The following SKOR1 variants were observed in gnomAD, a reference collection of about 807,000 sequenced individuals.
SKOR1 encodes the protein SKI family transcriptional corepressor 1, also known as LBX1 corepressor 1.
In SKOR1, 38 loss-of-function variants were observed where a neutral mutation model predicts 72.4. That is an observed-to-expected ratio of 0.52 (90% confidence interval 0.40 to 0.69). The LOEUF is 0.69. Ranked by LOEUF, SKOR1 falls within the 30% of genes least tolerant of loss-of-function variation. SKOR1 has a pLI of 0.00. For missense variants in SKOR1, 1,320 were observed against 1,343.2 expected (o/e 0.98, Z 0.27); for synonymous variants, 642 against 599.4 (o/e 1.07, Z -1.04).
Position 67,829,215 on chromosome 15 carries a change from G to A in SKOR1, c.2353G>A (p.Ala785Thr). 6.3e-7 allele frequency: 1 copy of A among 1,575,912 alleles called. No homozygotes were observed. The highest frequency in any genetic ancestry group is 8.6e-7 in the Non-Finnish European group (1 of 1,168,384). Residue 785 changes from alanine (A) to threonine (T), a missense_variant, in exon 3 of 9, where the codon GCG (alanine) becomes ACG (threonine). Transcript: ENST00000380035. ...CGAGAGGGATGAGCACGTGAAGAGC[G>A]CGGCGGTGGCGCTGGGGCCCGCGGC... is the stretch of plus-strand genomic sequence containing the variant. ...APERDEHVKS[A>T]AVALGPAASY...
Position 67,826,647 on chromosome 15 carries a change from C to G in SKOR1, c.819C>G (p.Gly273=), listed in dbSNP as rs781687857. Residue 273 remains glycine, a synonymous_variant, in exon 2 of 9, where the codon GGC becomes GGG. Coordinates refer to ENST00000380035, the MANE Select transcript of SKOR1 (RefSeq NM_001365915.1). ...AGGACGTCAAGGCCATGTTTAATGG[C>G]GGCACGCGCAAGCGGACCTTCTCCC... The part of the protein sequence containing the change: ...AWEDVKAMFN[G]GTRKRTFSLQ... 1 of 1,609,244 alleles carries G rather than the reference C, an allele frequency of 6.2e-7. No homozygotes were observed. Among genetic ancestry groups the G allele is most frequent in the South Asian group, 1.1e-5 (1 of 90,608 alleles).
rs1417959492 is a variant in SKOR1 at position 67,825,698 on chromosome 15, G to C, written c.96G>C (p.Arg32=). 1 of 750,264 alleles carries C rather than the reference G, an allele frequency of 1.3e-6. No individual in the cohort carries two copies. The highest frequency in any genetic ancestry group is 2.0e-5 in the Admixed American group (1 of 50,064). 46.5% of individuals were successfully genotyped at this position (750,264 alleles called of 1,614,324 possible). A position where few individuals can be genotyped will look rare whatever the true frequency, so the allele number is the denominator to read the frequency against. ...ACGGGATTGGGTTCCTTGCAGCCCGGGCATTCCTGAGGTCTCCTTTACCCC... is the reference window on the plus strand; with the variant it reads ...ACGGGATTGGGTTCCTTGCAGCCCGCGCATTCCTGAGGTCTCCTTTACCCC... ...SENGIGFLAA[R]AFLRSGGMEA... Residue 32 remains arginine, a synonymous_variant, in exon 1 of 9, where the codon CGG becomes CGC. Transcript: ENST00000380035. This position sits in a 1 kb window ranked among gnomAD's most constrained non-coding sequence, Gnocchi z 5.6.
In SKOR1 at chr15:67,832,334, T is replaced by C. The variant is rs1285216352; in HGVS notation, c.2648T>C (p.Phe883Ser). Residue 883 changes from phenylalanine to serine, a missense_variant, in exon 6 of 9, where the codon TTT becomes TCT. This residue lies in a region of SKOR1 where 1,099 missense variants were observed against 1,025.5 expected (regional missense o/e 1.07). Transcript: ENST00000380035. The surrounding 1 kb of genome is among the most constrained non-coding windows in gnomAD (Gnocchi z 4.5). ...MELRKKLERE[F>S]QSLKDNFQDQ... ...CTCCGCAAGAAGCTGGAACGGGAAT[T>C]TCAGAGTCTCAAAGGTACCCACTGC... is the stretch of plus-strand genomic sequence containing the variant. 1 of 1,614,098 alleles carries C rather than the reference T, an allele frequency of 6.2e-7. No individual in the cohort carries two copies. The highest frequency in any genetic ancestry group is 8.5e-7 in the Non-Finnish European group (1 of 1,180,010).
rs1011764500 is a variant in SKOR1, at chr15:67,833,285, A to G, written c.2803+28A>G. ...GCGGAAGCCGGGAAACAAAGATAGG[A>G]GGGGTGCTGGGTGCCGGCCGTGCTG... On this transcript the variant is annotated intron_variant, in intron 8 of 8. Transcript: ENST00000380035. The surrounding 1 kb of genome is among the most constrained non-coding windows in gnomAD (Gnocchi z 6.0). 4 of 1,612,920 alleles carry G rather than the reference A, an allele frequency of 2.5e-6. No individual in the cohort carries two copies. Among genetic ancestry groups the G allele is most frequent in the Non-Finnish European group, 3.4e-6 (4 of 1,179,252 alleles).
At position 67,827,834 on chromosome 15, in the gene SKOR1, C is replaced by A; in HGVS notation, c.2006C>A (p.Pro669His). 1 of 1,594,926 alleles carries A rather than the reference C, an allele frequency of 6.3e-7. No homozygotes were observed. Among genetic ancestry groups the A allele is most frequent in the Admixed American group, 1.8e-5 (1 of 56,870 alleles). Residue 669 changes from proline (P) to histidine (H), a missense_variant, in exon 2 of 9, where the codon CCC becomes CAC. By Grantham distance (77) the Pro-to-His change is moderately conservative. Coordinates refer to ENST00000380035, the MANE Select transcript of SKOR1 (RefSeq NM_001365915.1). ...GTGGACGTGGAATCCAACCGCTTCC[C>A]CGACGACGAGGACGCCCAAGAGGAG... is the stretch of plus-strand genomic sequence containing the variant. The part of the protein sequence containing the change: ...PEVDVESNRF[P>H]DDEDAQEETE...
chr15:67,833,837 G>A lies in SKOR1; in HGVS notation c.*1G>A, dbSNP rs1287813035. 2.5e-6 allele frequency: 4 copies of A among 1,608,044 alleles called. No individual in the cohort carries two copies. Among genetic ancestry groups the A allele is most frequent in the Non-Finnish European group, 1.7e-6 (2 of 1,179,850 alleles). ...CTTCAAGCCACCGCTGTTGCCCTAGGGCCGGCCTGGCCGCACCCCTGCGCC... is the reference window on the plus strand; with the variant it reads ...CTTCAAGCCACCGCTGTTGCCCTAGAGCCGGCCTGGCCGCACCCCTGCGCC... On this transcript the variant is annotated 3_prime_UTR_variant, in exon 9 of 9. Transcript: ENST00000380035. The surrounding 1 kb of genome is among the most constrained non-coding windows in gnomAD (Gnocchi z 6.0).
chr15:67,827,265 C>T lies in SKOR1; in HGVS notation c.1437C>T (p.Ala479=), dbSNP rs1284353636. 4.4e-6 allele frequency: 7 copies of T among 1,573,424 alleles called. No individual in the cohort carries two copies. The highest frequency in any genetic ancestry group is 6.0e-6 in the Non-Finnish European group (7 of 1,168,522). The change falls in exon 2 of 9, where the codon GCC becomes GCT. Residue 479 remains alanine (A), a synonymous_variant. Coordinates refer to ENST00000380035, the MANE Select transcript of SKOR1 (RefSeq NM_001365915.1). The part of the protein sequence containing the change: ...AKDAAAVAAA[A]AAATVYPTFP... ...ACGCAGCGGCAGTGGCTGCAGCGGCCGCCGCCGCCACTGTGTACCCGACGT... is the reference window on the plus strand; with the variant it reads ...ACGCAGCGGCAGTGGCTGCAGCGGCTGCCGCCGCCACTGTGTACCCGACGT...
At chr15:67,829,806 TC>T (rs1273505594) in intron 3 of SKOR1, among the ~76,000 whole-genome samples, 1 of 152,100 alleles carries the variant, frequency 6.6e-6, no homozygotes, top group Admixed American at 6.5e-5. Context: ...CCGGACGATG[TC>T]CCCCCACCCA....
At chr15:67,829,139 G>A (rs1375314987) in intron 2 of SKOR1, 40 bp from the exon 3 acceptor site, 1 of 1,494,924 alleles carries the variant, frequency 6.7e-7, no homozygotes, top group Non-Finnish European at 8.9e-7. Context: ...GCCGCCGCAG[G>A]GCGCCACCCT....
At chr15:67,829,543 G>T (rs1420357967) in intron 3 of SKOR1, among the ~76,000 whole-genome samples, 1 of 152,166 alleles carries the variant, frequency 6.6e-6, no homozygotes, top group African/African-American at 2.4e-5. Flanking sequence ...ACAAAATCAC[G>T]CCCGACACGG....
At position 67,832,730 on chromosome 15, in the gene SKOR1, G is replaced by T; in HGVS notation, c.2737+49G>T. ...CGTGCACGGGCCGTAACTGCCTCTCGTCTGGCAGGAGCCGCAATGTTGGCT... is the reference window on the plus strand; with the variant it reads ...CGTGCACGGGCCGTAACTGCCTCTCTTCTGGCAGGAGCCGCAATGTTGGCT... On this transcript the variant is annotated intron_variant, in intron 7 of 8. Transcript: ENST00000380035. This position sits in a 1 kb window ranked among gnomAD's most constrained non-coding sequence, Gnocchi z 4.5. The T allele has an allele frequency of 6.7e-7, 1 of 1,487,546 alleles. No homozygotes were observed. Among genetic ancestry groups the T allele is most frequent in the Non-Finnish European group, 9.4e-7 (1 of 1,066,468 alleles). The allele number at this position is 1,487,546 out of a possible 1,614,324, so 92.1% of individuals were successfully genotyped here. A position where few individuals can be genotyped will look rare whatever the true frequency, so the allele number is the denominator to read the frequency against.
chr15:67,829,295 A>T (rs1333843729), intron 3 of SKOR1, 26 bp downstream of exon 3: 2 of 1,527,772 alleles, frequency 1.3e-6, no homozygotes, highest in Admixed American at 4.0e-5. Context: ...GCCGCTGGCC[A>T]CTGTAATGGG....
chr15:67,830,912 G>T (rs576124754), intron 5 of SKOR1, 23 bp downstream of exon 5: 86 of 1,610,422 alleles, frequency 5.3e-5, no homozygotes, highest in Non-Finnish European at 6.8e-5. Flanking sequence ...TTGTGAAAAA[G>T]GTGTACGCTG....
chr15:67,830,484 C>T (rs2091000603), intron 4 of SKOR1, among the ~76,000 whole-genome samples, 186 bp downstream of exon 4: 1 of 152,156 alleles, frequency 6.6e-6, no homozygotes, highest in Non-Finnish European at 1.5e-5. Context: ...TGAATTGCTG[C>T]CTCCTTGGTG....
At chr15:67,829,875 C>G (rs1280618211) in intron 3 of SKOR1, among the ~76,000 whole-genome samples, 1 of 152,256 alleles carries the variant, frequency 6.6e-6, no homozygotes, top group African/African-American at 2.4e-5. Flanking sequence ...ACAGACCCGG[C>G]GGCCACGCGC....
rs781074505 is a variant in SKOR1 at position 67,827,629 on chromosome 15, G to A, written c.1801G>A (p.Asp601Asn). The change falls in exon 2 of 9, where the codon GAC (aspartate) becomes AAC (asparagine). Residue 601 changes from aspartate (D) to asparagine (N), a missense_variant. By Grantham distance (23) the Asp-to-Asn change is conservative. Around this residue, in one of 3 missense-constraint regions of SKOR1, gnomAD observed 1,099 missense variants for 1,025.5 expected, o/e 1.07. Coordinates refer to ENST00000380035, the MANE Select transcript of SKOR1 (RefSeq NM_001365915.1). ...GTCGGCCTTCCGGCCGGTGGTCAAG[G>A]ACACCGAGAGCATCGCTAAGCTCTA... is the stretch of plus-strand genomic sequence containing the variant. ...YVSAFRPVVK[D>N]TESIAKLYGS... is the part of the protein sequence containing the mutation. 2.5e-5 allele frequency: 38 copies of A among 1,530,372 alleles called. No homozygotes were observed. Among genetic ancestry groups the A allele is most frequent in the Middle Eastern group, 1.7e-4 (1 of 5,768 alleles). The allele number at this position is 1,530,372 out of a possible 1,614,324, so 94.8% of individuals were successfully genotyped here.
In SKOR1 at chr15:67,827,532, C is replaced by T. The variant is rs1223864277; in HGVS notation, c.1704C>T (p.Asp568=). 1 of 1,521,860 alleles carries T rather than the reference C, an allele frequency of 6.6e-7. No homozygotes were observed. 94.3% of individuals were successfully genotyped at this position (1,521,860 alleles called of 1,614,324 possible). A position where few individuals can be genotyped will look rare whatever the true frequency, so the allele number is the denominator to read the frequency against. ...GGCCCCTGGACGAAGACGGCACGGA[C>T]GAGGCGCTGCCACCGCCCCTGGCCC... ...SRGPLDEDGT[D]EALPPPLAPL... The change falls in exon 2 of 9, where the codon GAC becomes GAT. Residue 568 remains aspartate, a synonymous_variant. Coordinates refer to ENST00000380035, the MANE Select transcript of SKOR1 (RefSeq NM_001365915.1).
rs2090966521 is a variant in SKOR1, at chr15:67,827,140, G to A, written c.1312G>A (p.Ala438Thr). 7.2e-7 allele frequency: 1 copy of A among 1,380,604 alleles called. No individual in the cohort carries two copies. The highest frequency in any genetic ancestry group is 9.3e-7 in the Non-Finnish European group (1 of 1,076,650). The allele number at this position is 1,380,604 out of a possible 1,614,324, so 85.5% of individuals were successfully genotyped here. A position where few individuals can be genotyped will look rare whatever the true frequency, so the allele number is the denominator to read the frequency against. Reference sequence around the variant, plus strand: ...CGGCGGCGCGGGGACAGGCGGGGGTGCGGGGGGCCCGGGAGCCAGCCACTT... The same window carrying A: ...CGGCGGCGCGGGGACAGGCGGGGGTACGGGGGGCCCGGGAGCCAGCCACTT... ...GGGGAGTGGGAGGPGASHLPP... is the reference protein window; with the variant it reads ...GGGGAGTGGGTGGPGASHLPP... The change falls in exon 2 of 9, where the codon GCG becomes ACG. Residue 438 changes from alanine (A) to threonine (T), a missense_variant. Physicochemically the swap from Ala to Thr is moderately conservative, Grantham distance 58. Around this residue, in one of 3 missense-constraint regions of SKOR1, gnomAD observed 1,099 missense variants for 1,025.5 expected, o/e 1.07. Coordinates refer to ENST00000380035, the MANE Select transcript of SKOR1 (RefSeq NM_001365915.1).
In SKOR1 at chr15:67,829,263, GC is replaced by G; in HGVS notation, c.2404del (p.His802ThrfsTer93). 1 of 1,551,678 alleles carries G rather than the reference GC, an allele frequency of 6.4e-7. No homozygotes were observed. The highest frequency in any genetic ancestry group is 8.7e-7 in the Non-Finnish European group (1 of 1,155,816). ...GGCCTCCTACGTCTGCACCCCCGAG[GC>G]CCACGGTAACGCCTGTCGCGGCCGC... ...PAASYVCTPE[A>X]HEPDKEDNHS... On this transcript the variant is annotated frameshift_variant, in exon 3 of 9. Transcript: ENST00000380035. LOFTEE classifies it high-confidence loss of function.
Sources: gnomAD v4.1 joint callset for allele counts (sites outside exome capture counted in the v4.1 genomes callset) on GRCh38, gnomAD v4.1.1 for gene constraint, gnomAD v4.1.1 regional missense constraint, Gnocchi (gnomAD v3.1) non-coding constraint, MANE v1.5 for transcripts, NCBI Gene and HGNC (gene_info 2026-07-23, HGNC 2026-07-21) for gene names.